Variants in SLMAP observed in about 807,000 individuals in gnomAD.
SLMAP encodes sarcolemma associated protein, also known as sarcolemmal membrane-associated protein.
In SLMAP, 44 loss-of-function variants were observed where a neutral mutation model predicts 128.8. The observed-to-expected ratio is 0.34, with a 90% CI of 0.27 to 0.44. The LOEUF (loss-of-function observed/expected upper bound fraction) is 0.44. Among genes scored for constraint, SLMAP ranks in the 20% least tolerant of loss-of-function variants. The pLI, the probability that SLMAP is intolerant of heterozygous loss-of-function variation, is 1.00. For missense variants in SLMAP, 787 were observed against 985.3 expected (o/e 0.80, Z 2.69); for synonymous variants, 327 against 348.8 (o/e 0.94, Z 0.70).
chr3:57,839,109 C>G (rs954344752), intron 3 of SLMAP, among the ~76,000 whole-genome samples: 1 of 151,714 alleles, frequency 6.6e-6, no homozygotes, highest in South Asian at 2.1e-4. Context: ...GCACCACCCC[C>G]ACCCTGCTAA....
intron 4 of SLMAP, among the ~76,000 whole-genome samples, chr3:57,846,550 GATA>G (rs2094259174): frequency 1.3e-5 from 2 of 150,276 alleles, no homozygotes; most frequent in South Asian, 4.2e-4. Context: ...ATTGAAAATG[GATA>G]ATTTTTTTTT....
At chr3:57,801,643 GTT>G (rs35550491) in intron 2 of SLMAP, among the ~76,000 whole-genome samples, 135 of 146,546 alleles carry the variant, frequency 9.2e-4, no homozygotes, top group Middle Eastern at 3.5e-3. Flanking sequence ...TGTTTTTCCT[GTT>G]TTTTTTTTTT....
At chr3:57,821,132 C>T (rs1431704116) in intron 2 of SLMAP, among the ~76,000 whole-genome samples, 1 of 152,168 alleles carries the variant, frequency 6.6e-6, no homozygotes, top group East Asian at 1.9e-4. Context: ...TTTGATTACA[C>T]TTTTAAAAAT....
At chr3:57,849,977 C>T (rs570246066) in intron 6 of SLMAP, among the ~76,000 whole-genome samples, 161 bp downstream of exon 6, 2 of 152,192 alleles carry the variant, frequency 1.3e-5, no homozygotes, top group African/African-American at 4.8e-5. Flanking sequence ...AGTTTGAGAC[C>T]AACCTGGGCA....
At chr3:57,843,144 C>G (rs2094022146) in intron 4 of SLMAP, among the ~76,000 whole-genome samples, 1 of 151,928 alleles carries the variant, frequency 6.6e-6, no homozygotes, top group Admixed American at 6.6e-5. Flanking sequence ...GCCAGAAAGC[C>G]TAGAGTTTAA....
chr3:57,827,755 A>C lies in SLMAP; in HGVS notation c.199-3628A>C, dbSNP rs546139902. Among the ~76,000 whole-genome samples, 5 of 152,296 alleles carry C rather than the reference A, an allele frequency of 3.3e-5. No homozygotes were observed. In the South Asian group the frequency reaches 1.0e-3, roughly 32 times the overall value. ...TAGTTAAGACTTCAACAGATTCTTTATTTCTTTTTTAATGTGGTCAAAACT... is the reference window on the plus strand; with the variant it reads ...TAGTTAAGACTTCAACAGATTCTTTCTTTCTTTTTTAATGTGGTCAAAACT... On this transcript the variant is annotated intron_variant, in intron 2 of 24. Coordinates refer to ENST00000671191, the MANE Select transcript of SLMAP (RefSeq NM_001377540.1).
intron 14 of SLMAP, among the ~76,000 whole-genome samples, chr3:57,883,543 A>C (rs2095801763): frequency 6.6e-6 from 1 of 152,220 alleles, no homozygotes; most frequent in Non-Finnish European, 1.5e-5. Flanking sequence ...ATATCCTAGA[A>C]GTTAAAGTAG....
At chr3:57,781,211 C>T (rs576039951) in intron 2 of SLMAP, among the ~76,000 whole-genome samples, 68 of 151,540 alleles carry the variant, frequency 4.5e-4, no homozygotes, top group African/African-American at 1.6e-3. Context: ...AGAGTGAGAC[C>T]CTCTCAAAAA....
At chr3:57,842,355 T>G (rs997438957) in intron 4 of SLMAP, among the ~76,000 whole-genome samples, 3 of 152,160 alleles carry the variant, frequency 2.0e-5, no homozygotes, top group Admixed American at 6.5e-5. Flanking sequence ...CCTTTTTTTT[T>G]GTCCTTGGCA....
intron 4 of SLMAP, among the ~76,000 whole-genome samples, chr3:57,842,029 G>A (rs532306225): frequency 1.3e-5 from 2 of 152,226 alleles, no homozygotes; most frequent in Admixed American, 6.5e-5. Context: ...TTTTTTATTT[G>A]TGGGAAAAGC....
Position 57,858,187 on chromosome 3 carries a change from T to G in SLMAP, c.687+28T>G, listed in dbSNP as rs1292327848. 6 of 1,256,862 alleles carry G rather than the reference T, an allele frequency of 4.8e-6. No individual in the cohort carries two copies. In the Admixed American group the frequency reaches 8.8e-5, roughly 18 times the overall value. 77.9% of individuals were successfully genotyped at this position (1,256,862 alleles called of 1,614,324 possible). On this transcript the variant is annotated intron_variant, in intron 8 of 24. Transcript: ENST00000671191. ...AGGTATTAACCTCAAATGTGTAAAA[T>G]GAAATGCATAGTTTTTTATGTAACA...
At chr3:57,761,668 A>G (rs2078665259) in intron 2 of SLMAP, among the ~76,000 whole-genome samples, 1 of 152,176 alleles carries the variant, frequency 6.6e-6, no homozygotes, top group Admixed American at 6.5e-5. Flanking sequence ...TGGGCGGTCG[A>G]CAATTGGGGT....
chr3:57,844,409 T>A (rs1315158543), intron 4 of SLMAP, among the ~76,000 whole-genome samples: 9 of 151,712 alleles, frequency 5.9e-5, no homozygotes, highest in Non-Finnish European at 1.2e-4. Context: ...AAAAAAATTT[T>A]AAAAATTAAA....
At chr3:57,924,315 G>T (rs2096964503) in intron 23 of SLMAP, among the ~76,000 whole-genome samples, 1 of 150,486 alleles carries the variant, frequency 6.6e-6, no homozygotes, top group Non-Finnish European at 1.5e-5. Flanking sequence ...AAAATTAATT[G>T]TATTCTGGTA....
intron 2 of SLMAP, among the ~76,000 whole-genome samples, chr3:57,828,932 C>T (rs1183178842): frequency 6.6e-6 from 1 of 152,058 alleles, no homozygotes; most frequent in African/African-American, 2.4e-5. Context: ...AGGCCTGCAC[C>T]ACCATGCCCA....
At chr3:57,896,057 GT>G (rs35883360) in intron 15 of SLMAP, among the ~76,000 whole-genome samples, 25 of 150,974 alleles carry the variant, frequency 1.7e-4, no homozygotes, top group Non-Finnish European at 2.5e-4. Flanking sequence ...ACTGATCGTG[GT>G]TTTTTTTTAA....
intron 13 of SLMAP, among the ~76,000 whole-genome samples, chr3:57,868,909 G>T (rs1285132960): frequency 2.3e-5 from 3 of 132,032 alleles, no homozygotes; most frequent in Non-Finnish European, 3.2e-5. Context: ...TTATATATGT[G>T]TGTATTATAT....
intron 8 of SLMAP, among the ~76,000 whole-genome samples, chr3:57,859,349 G>T (rs1327646405): frequency 6.6e-6 from 1 of 150,676 alleles, no homozygotes. Context: ...AGCGGGGGCA[G>T]TTTGAGACCA....
chr3:57,775,670 A>T (rs2081773774), intron 2 of SLMAP, among the ~76,000 whole-genome samples: 2 of 151,804 alleles, frequency 1.3e-5, no homozygotes, highest in African/African-American at 4.8e-5. Flanking sequence ...AGCCTGGGAG[A>T]CAGAACAAGA....
Sources: allele counts gnomAD v4.1 joint callset (sites outside exome capture counted in the v4.1 genomes callset), GRCh38; gene constraint gnomAD v4.1.1; transcripts MANE v1.5; gene names NCBI Gene and HGNC (gene_info 2026-07-23, HGNC 2026-07-21).